FASTKD2: variants seen among roughly 807,000 people sequenced by gnomAD.
The protein encoded by FASTKD2 is FAST kinase domain-containing protein 2, mitochondrial.
Under a neutral mutation model 63.6 loss-of-function variants are expected in FASTKD2, and 51 were observed. The ratio of observed to expected loss-of-function variants is 0.80; its 90% confidence interval spans 0.64 to 1.01. The LOEUF (loss-of-function observed/expected upper bound fraction) is 1.01. FASTKD2 is among the 50% of genes least tolerant of loss of function. The pLI, the probability that FASTKD2 is intolerant of heterozygous loss-of-function variation, is 0.00. For synonymous variants in FASTKD2, 284 were observed against 293.4 expected, an observed-to-expected ratio of 0.97 and a Z score of 0.33; for missense variants, 786 against 831.1, an observed-to-expected ratio of 0.95 and a Z score of 0.67.
At chr2:206,774,981 A>G (rs1044420397) in intron 7 of FASTKD2, among the ~76,000 whole-genome samples, 1 of 152,054 alleles carries the variant, frequency 6.6e-6, no homozygotes, top group African/African-American at 2.4e-5. Flanking sequence ...GATACTTTAT[A>G]TAAGTGGAGT....
intron 7 of FASTKD2, among the ~76,000 whole-genome samples, chr2:206,778,404 C>T (rs932596622): frequency 8.6e-5 from 13 of 151,956 alleles, no homozygotes; most frequent in African/African-American, 3.1e-4. Flanking sequence ...TTCTTTAACC[C>T]ATTGGGTGTT....
At chr2:206,791,440 T>A (rs1690282968) in intron 11 of FASTKD2, 3 of 484,080 alleles carry the variant, frequency 6.2e-6, no homozygotes, top group Non-Finnish European at 1.1e-5. Flanking sequence ...GAAGATTTTC[T>A]CAAGAAAGCA....
Position 206,779,037 on chromosome 2 carries a change from G to T in FASTKD2, c.1427+4640G>T, listed in dbSNP as rs185130123. 2.6e-5 allele frequency among the ~76,000 whole-genome samples: 4 copies of T among 152,104 alleles called. No homozygotes were observed. The East Asian group carries it at 7.8e-4, about 29-fold the overall frequency. On this transcript the variant is annotated intron_variant, in intron 7 of 11. Coordinates refer to ENST00000402774, the MANE Select transcript of FASTKD2 (RefSeq NM_001136193.2). ...ATGTTCTATAAATTATTGAAAGTGG[G>T]GTTATTGAAGTCTCCTACTGTTATT...
intron 2 of FASTKD2, among the ~76,000 whole-genome samples, chr2:206,768,188 C>T (rs187921419): frequency 6.6e-6 from 1 of 152,202 alleles, no homozygotes; most frequent in East Asian, 1.9e-4. Context: ...AATGGGTTGA[C>T]GTGCTCAAAT....
chr2:206,783,944 T>A (rs1690065848), intron 7 of FASTKD2, among the ~76,000 whole-genome samples: 1 of 152,164 alleles, frequency 6.6e-6, no homozygotes, highest in South Asian at 2.1e-4. Context: ...GGGGTGCCGC[T>A]AACATCCTAC....
At chr2:206,771,738 C>T (rs1574664294) in intron 4 of FASTKD2, among the ~76,000 whole-genome samples, 156 bp from the exon 5 acceptor site, 2 of 151,696 alleles carry the variant, frequency 1.3e-5, no homozygotes, top group African/African-American at 4.8e-5. Flanking sequence ...CCTGTAATCC[C>T]AGCTACATGG....
rs1349838420 is a variant in FASTKD2, at chr2:206,767,411, G to A, written c.718G>A (p.Val240Met). The A allele has an allele frequency of 1.2e-6, 2 of 1,613,464 alleles. No individual in the cohort carries two copies. The highest frequency in any genetic ancestry group is 1.3e-5 in the African/African-American group (1 of 74,952). Residue 240 changes from valine to methionine, a missense_variant, in exon 2 of 12, where the codon GTG becomes ATG. Val to Met is a conservative substitution (Grantham distance 21, BLOSUM62 1). Coordinates refer to ENST00000402774, the MANE Select transcript of FASTKD2 (RefSeq NM_001136193.2). ...KYLLFSLHAIVKLGIPQNTIL... is the reference protein window; with the variant it reads ...KYLLFSLHAIMKLGIPQNTIL... Reference sequence around the variant, plus strand: ...CCTACTGTTCAGTCTTCACGCCATAGTGAAGCTTGGAATCCCTCAGAACAC... The same window carrying A: ...CCTACTGTTCAGTCTTCACGCCATAATGAAGCTTGGAATCCCTCAGAACAC...
In FASTKD2 at chr2:206,792,653, G is replaced by A. The variant is rs1012483945; in HGVS notation, c.*851G>A. 1 of 152,134 alleles carries A rather than the reference G, an allele frequency of 6.6e-6. No individual in the cohort carries two copies. Among genetic ancestry groups the A allele is most frequent in the Non-Finnish European group, 1.5e-5 (1 of 68,028 alleles). 9.4% of individuals were successfully genotyped at this position (152,134 alleles called of 1,614,324 possible). A position where few individuals can be genotyped will look rare whatever the true frequency, so the allele number is the denominator to read the frequency against. On this transcript the variant is annotated 3_prime_UTR_variant, in exon 12 of 12. Coordinates refer to ENST00000402774, the MANE Select transcript of FASTKD2 (RefSeq NM_001136193.2). ...TGATGAATAGGCATGGTCTCTTGTG[G>A]AACTTACAGCATGGGTTCCATGCAA...
chr2:206,783,939 G>T (rs1386101938), intron 7 of FASTKD2, among the ~76,000 whole-genome samples: 1 of 152,162 alleles, frequency 6.6e-6, no homozygotes, highest in Non-Finnish European at 1.5e-5. Flanking sequence ...GGCCAGGGGT[G>T]CCGCTAACAT....
rs1039396211 is a variant in FASTKD2 at position 206,793,587 on chromosome 2, A to G, written c.*1785A>G. On this transcript the variant is annotated 3_prime_UTR_variant, in exon 12 of 12. Transcript: ENST00000402774. ...AACAAGATGCAGATATTCTGTTATT[A>G]AAGGAACTAAGGTTTTGTCTTTAAA... is the stretch of plus-strand genomic sequence containing the variant. Among the ~76,000 whole-genome samples, 1 of 152,190 alleles carries G rather than the reference A, an allele frequency of 6.6e-6. No individual in the cohort carries two copies. Among genetic ancestry groups the G allele is most frequent in the Non-Finnish European group, 1.5e-5 (1 of 68,042 alleles).
rs969329891 is a variant in FASTKD2 at position 206,794,388 on chromosome 2, T to C, written c.*2586T>C. 3.3e-5 allele frequency among the ~76,000 whole-genome samples: 5 copies of C among 152,176 alleles called. No homozygotes were observed. The highest frequency in any genetic ancestry group is 7.3e-5 in the Non-Finnish European group (5 of 68,038). ...TCTTGAAATAGCTACATGCAATTCT[T>C]TTTTATTATTTTTTAATTTTAATTT... On this transcript the variant is annotated 3_prime_UTR_variant, in exon 12 of 12. Coordinates refer to ENST00000402774, the MANE Select transcript of FASTKD2 (RefSeq NM_001136193.2).
At chr2:206,786,975 T>C in intron 8 of FASTKD2, 76 bp downstream of exon 8, 1 of 926,372 alleles carries the variant, frequency 1.1e-6, no homozygotes, top group Non-Finnish European at 1.7e-6. Flanking sequence ...TGACTCTGAA[T>C]GGGGTCTTAG....
intron 7 of FASTKD2, among the ~76,000 whole-genome samples, chr2:206,781,382 C>T (rs1053253474): frequency 4.7e-5 from 6 of 128,308 alleles, no homozygotes; most frequent in African/African-American, 1.7e-4. Flanking sequence ...GTGGCACGAT[C>T]TCGGCTTACT....
intron 7 of FASTKD2, 124 bp from the exon 8 acceptor site, chr2:206,786,609 A>G: frequency 1.2e-6 from 1 of 845,834 alleles, no homozygotes. Context: ...GAGATAACCA[A>G]CTGTCCAGAA....
At chr2:206,771,105 G>A (rs1689668153) in intron 3 of FASTKD2, 77 bp from the exon 4 acceptor site, 1 of 859,064 alleles carries the variant, frequency 1.2e-6, no homozygotes, top group African/African-American at 1.7e-5. Flanking sequence ...AGAAGGGGCT[G>A]GACCAAATGA....
At chr2:206,774,170 A>G (rs73985719) in intron 6 of FASTKD2, 55 bp from the exon 7 acceptor site, 1 of 1,250,126 alleles carries the variant, frequency 8.0e-7, no homozygotes, top group South Asian at 1.3e-5. Context: ...CTAAAAAATT[A>G]CTATTAGCAT....
At chr2:206,768,628 A>G (rs1187549557) in intron 2 of FASTKD2, among the ~76,000 whole-genome samples, 1 of 152,160 alleles carries the variant, frequency 6.6e-6, no homozygotes. Context: ...TGAGCCTGGG[A>G]GGTCGAAGCT....
intron 2 of FASTKD2, among the ~76,000 whole-genome samples, chr2:206,768,373 T>C (rs946872096): frequency 6.6e-6 from 1 of 152,020 alleles, no homozygotes; most frequent in Non-Finnish European, 1.5e-5. Flanking sequence ...GTTTTAAGAG[T>C]GTACACTTCT....
rs535280179 is a variant in FASTKD2 at position 206,787,972 on chromosome 2, G to A, written c.1630G>A (p.Asp544Asn). 6.2e-7 allele frequency: 1 copy of A among 1,612,534 alleles called. No homozygotes were observed. The highest frequency in any genetic ancestry group is 8.5e-7 in the Non-Finnish European group (1 of 1,178,912). ...MKNAYKLHTL[D>N]TCLKLDDTVY... is the part of the protein sequence containing the mutation. The stretch of plus-strand genomic sequence containing the variant: ...GAATGCTTACAAGCTGCATACTTTG[G>A]ATACTTGTCTAAAACTTGATGATAC... Residue 544 changes from aspartate (D) to asparagine (N), a missense_variant, in exon 9 of 12, where the codon GAT becomes AAT. Transcript: ENST00000402774.
Sources: allele counts gnomAD v4.1 joint callset (sites outside exome capture counted in the v4.1 genomes callset), GRCh38; gene constraint gnomAD v4.1.1; transcripts MANE v1.5; gene names NCBI Gene and HGNC (gene_info 2026-07-23, HGNC 2026-07-21).